Variants in GRK2 observed in about 807,000 individuals in gnomAD.
GRK2 encodes the protein adrenergic beta receptor kinase 1.
In GRK2, 23 loss-of-function variants were observed where a neutral mutation model predicts 97.8. That is an observed-to-expected ratio of 0.24 (90% confidence interval 0.17 to 0.33). The LOEUF (loss-of-function observed/expected upper bound fraction) is 0.33, where lower values mean the gene tolerates loss of function less well. Among genes scored for constraint, GRK2 ranks in the 10% least tolerant of loss-of-function variants. The pLI, the probability that GRK2 is intolerant of heterozygous loss-of-function variation, is 1.00. For synonymous variants in GRK2, 425 were observed against 381.7 expected, an observed-to-expected ratio of 1.11 and a Z score of -1.32; for missense variants, 633 against 956.9, an observed-to-expected ratio of 0.66 and a Z score of 4.47.
In GRK2 at chr11:67,282,871, G is replaced by A. The variant is rs536944259; in HGVS notation, c.1227+53G>A. 4.9e-4 allele frequency: 761 copies of A among 1,554,738 alleles called. No individual in the cohort carries two copies. The highest frequency in any genetic ancestry group is 6.1e-4 in the Non-Finnish European group (705 of 1,146,674). The stretch of plus-strand genomic sequence containing the variant: ...CAGGGGGCTGGGGGGAGCTCCTGTG[G>A]GTGCCAGGCCATGACTCTTGCTTCC... On this transcript the variant is annotated intron_variant, in intron 14 of 20. Coordinates refer to ENST00000308595, the MANE Select transcript of GRK2 (RefSeq NM_001619.5). The surrounding 1 kb of genome is among the most constrained non-coding windows in gnomAD (Gnocchi z 6.9).
intron 1 of GRK2, among the ~76,000 whole-genome samples, chr11:67,273,717 G>A (rs1474010519): frequency 6.6e-6 from 1 of 152,118 alleles, no homozygotes; most frequent in Non-Finnish European, 1.5e-5. Flanking sequence ...TTCTTTTTAA[G>A]GAAGAAAGTG....
At chr11:67,283,503 TG>T in intron 15 of GRK2, 1 of 618,198 alleles carries the variant, frequency 1.6e-6, no homozygotes, top group Non-Finnish European at 2.9e-6. Flanking sequence ...TATTAAGCAC[TG>T]GGCATAGGGT....
At chr11:67,280,206 G>T in intron 6 of GRK2, 2 of 458,546 alleles carry the variant, frequency 4.4e-6, no homozygotes, top group Non-Finnish European at 8.0e-6. Flanking sequence ...CACCTTGCTG[G>T]CCCACCTGGA....
In GRK2 at chr11:67,276,604, TTCA is replaced by T. The variant is rs1860032447; in HGVS notation, c.114-663_114-661del. On this transcript the variant is annotated intron_variant, in intron 1 of 20. Transcript: ENST00000308595. This position sits in a 1 kb window ranked among gnomAD's most constrained non-coding sequence, Gnocchi z 4.2. ...AAATTGAGATGCAATTCATATAAAA[TTCA>T]TCATTTTATTATACAATGTAGTGTT... is the stretch of plus-strand genomic sequence containing the variant. 1 of 152,170 alleles carries T rather than the reference TTCA, an allele frequency of 6.6e-6. No homozygotes were observed. 9.4% of individuals were successfully genotyped at this position (152,170 alleles called of 1,614,324 possible).
intron 1 of GRK2, among the ~76,000 whole-genome samples, chr11:67,273,974 C>T (rs1015472623): frequency 2.0e-5 from 3 of 150,584 alleles, no homozygotes; most frequent in Non-Finnish European, 4.4e-5. Flanking sequence ...TACTCCCTGG[C>T]TCCTAGGTGG....
chr11:67,270,322 C>T (rs1859880133), intron 1 of GRK2, among the ~76,000 whole-genome samples: 1 of 152,160 alleles, frequency 6.6e-6, no homozygotes, highest in Non-Finnish European at 1.5e-5. Context: ...CAGTGGCAGC[C>T]CCAGCAGCAG....
rs1162167000 is a variant in GRK2, at chr11:67,281,029, G to T, written c.556-64G>T. ...CATGGGGCCAGCCCCTGCTGCCCAG[G>T]TGCCTCTGCCCCAGGGCTGGGCAGA... is the stretch of plus-strand genomic sequence containing the variant. On this transcript the variant is annotated intron_variant, in intron 7 of 20. Transcript: ENST00000308595. This position sits in a 1 kb window ranked among gnomAD's most constrained non-coding sequence, Gnocchi z 5.7. The T allele has an allele frequency of 4.2e-6, 6 of 1,432,036 alleles. No individual in the cohort carries two copies. Among genetic ancestry groups the T allele is most frequent in the Non-Finnish European group, 5.8e-6 (6 of 1,040,818 alleles). The allele number at this position is 1,432,036 out of a possible 1,614,324, so 88.7% of individuals were successfully genotyped here. A position where few individuals can be genotyped will look rare whatever the true frequency, so the allele number is the denominator to read the frequency against.
Position 67,282,408 on chromosome 11 carries a change from C to T in GRK2, c.1053-27C>T, listed in dbSNP as rs1860174743. The T allele has an allele frequency of 6.2e-7, 1 of 1,612,522 alleles. No individual in the cohort carries two copies. Among genetic ancestry groups the T allele is most frequent in the African/African-American group, 1.3e-5 (1 of 74,932 alleles). On this transcript the variant is annotated intron_variant, in intron 12 of 20. Coordinates refer to ENST00000308595, the MANE Select transcript of GRK2 (RefSeq NM_001619.5). The surrounding 1 kb of genome is among the most constrained non-coding windows in gnomAD (Gnocchi z 6.9). ...TCTCCCTCCCCACCCCTTGCCACTC[C>T]CGCTTATGGCCCCCTTGCTCCCACA... is the stretch of plus-strand genomic sequence containing the variant.
rs1234069360 is a variant in GRK2 at position 67,279,234 on chromosome 11, C to T, written c.225C>T (p.His75=). The change falls in exon 3 of 21, where the codon CAC becomes CAT. Residue 75 remains histidine (H), a synonymous_variant. Transcript: ENST00000308595. ...TCTTCCGAGACTTCTGCCTGAACCA[C>T]CTGGAGGAGGCCAGGCCCTTGGTGG... is the stretch of plus-strand genomic sequence containing the variant. ...YLLFRDFCLN[H]LEEARPLVEF... 1 of 1,613,688 alleles carries T rather than the reference C, an allele frequency of 6.2e-7. No individual in the cohort carries two copies. The highest frequency in any genetic ancestry group is 2.2e-5 in the East Asian group (1 of 44,886).
chr11:67,273,223 G>A (rs572472458), intron 1 of GRK2, among the ~76,000 whole-genome samples: 6 of 152,352 alleles, frequency 3.9e-5, no homozygotes, highest in Non-Finnish European at 7.3e-5. Flanking sequence ...CCCGTCCAAC[G>A]GCCAGAGCAA....
At position 67,281,012 on chromosome 11, in the gene GRK2, C is replaced by A; in HGVS notation, c.556-81C>A. 1 of 1,317,438 alleles carries A rather than the reference C, an allele frequency of 7.6e-7. No individual in the cohort carries two copies. The highest frequency in any genetic ancestry group is 1.1e-6 in the Non-Finnish European group (1 of 940,626). 81.6% of individuals were successfully genotyped at this position (1,317,438 alleles called of 1,614,324 possible). A position where few individuals can be genotyped will look rare whatever the true frequency, so the allele number is the denominator to read the frequency against. ...GGGTATGGGGACCCTGGCATGGGGC[C>A]AGCCCCTGCTGCCCAGGTGCCTCTG... is the stretch of plus-strand genomic sequence containing the variant. On this transcript the variant is annotated intron_variant, in intron 7 of 20. Coordinates refer to ENST00000308595, the MANE Select transcript of GRK2 (RefSeq NM_001619.5). The surrounding 1 kb of genome is among the most constrained non-coding windows in gnomAD (Gnocchi z 5.7).
At chr11:67,274,012 T>C (rs965203704) in intron 1 of GRK2, among the ~76,000 whole-genome samples, 13 of 147,980 alleles carry the variant, frequency 8.8e-5, no homozygotes, top group Admixed American at 6.7e-4. Context: ...CTGGCACCTT[T>C]TTTTTTTTTT....
Position 67,281,549 on chromosome 11 carries a change from C to T in GRK2, c.738C>T (p.Val246=). Residue 246 remains valine, a synonymous_variant, in exon 9 of 21, where the codon GTC becomes GTT. Coordinates refer to ENST00000308595, the MANE Select transcript of GRK2 (RefSeq NM_001619.5). This position sits in a 1 kb window ranked among gnomAD's most constrained non-coding sequence, Gnocchi z 5.7. The part of the protein sequence containing the change: ...ALNERIMLSL[V]STGDCPFIVC... ...ACGAGCGCATCATGCTCTCGCTCGT[C>T]AGCACTGGGGTGAGCTGGGTGGGCC... The T allele has an allele frequency of 6.2e-7, 1 of 1,613,438 alleles. No individual in the cohort carries two copies.
rs117549229 is a variant in GRK2, at chr11:67,270,473, C to T, written c.113+3661C>T. Among the ~76,000 whole-genome samples, 89 of 152,230 alleles carry T rather than the reference C, an allele frequency of 5.8e-4. No homozygotes were observed. The East Asian group carries it at 0.016, about 28-fold the overall frequency. ...CCCTGCCCCTGTTCCTCCGCTGCCTCGTTCCTGTTAACTCTTCGCAGCCAG... is the reference window on the plus strand; with the variant it reads ...CCCTGCCCCTGTTCCTCCGCTGCCTTGTTCCTGTTAACTCTTCGCAGCCAG... On this transcript the variant is annotated intron_variant, in intron 1 of 20. Transcript: ENST00000308595.
chr11:67,283,913 T>C lies in GRK2; in HGVS notation c.1455T>C (p.Ile485=). ...GEVNAADAFD[I]GSFDEEDTKG... is the part of the protein sequence containing the mutation. ...TGAACGCGGCCGACGCCTTCGACAT[T>C]GGCTCCTTCGATGAGGAGGACACAA... The change falls in exon 17 of 21, where the codon ATT becomes ATC. Residue 485 remains isoleucine (I), a synonymous_variant. Transcript: ENST00000308595. 1 of 1,612,710 alleles carries C rather than the reference T, an allele frequency of 6.2e-7. No individual in the cohort carries two copies. The highest frequency in any genetic ancestry group is 1.1e-5 in the South Asian group (1 of 90,978).
chr11:67,277,690 G>A (rs972685400), intron 2 of GRK2, among the ~76,000 whole-genome samples: 9 of 152,226 alleles, frequency 5.9e-5, no homozygotes, highest in African/African-American at 1.7e-4. Context: ...AGGAAGAGGC[G>A]GGGCCCTTCC....
chr11:67,277,537 C>T (rs376726960), intron 2 of GRK2, among the ~76,000 whole-genome samples, 189 bp downstream of exon 2: 1 of 152,246 alleles, frequency 6.6e-6, no homozygotes, highest in African/African-American at 2.4e-5. Context: ...TGGCTGTCGG[C>T]CCAGGGAGCC....
chr11:67,278,724 T>C (rs1262056087), intron 2 of GRK2, among the ~76,000 whole-genome samples: 1 of 152,156 alleles, frequency 6.6e-6, no homozygotes, highest in African/African-American at 2.4e-5. Context: ...CCTGCTAACC[T>C]TTTCCCCATG....
intron 1 of GRK2, chr11:67,277,011 G>A: frequency 2.7e-6 from 1 of 364,732 alleles, no homozygotes; most frequent in East Asian, 4.6e-5. Context: ...GACCCCACAG[G>A]CGGTGGGCCT....
Sources: allele counts gnomAD v4.1 joint callset (sites outside exome capture counted in the v4.1 genomes callset), GRCh38; gene constraint gnomAD v4.1.1; non-coding constraint Gnocchi (gnomAD v3.1); transcripts MANE v1.5; gene names NCBI Gene and HGNC (gene_info 2026-07-23, HGNC 2026-07-21).